LRRC53: variants seen among roughly 807,000 people sequenced by gnomAD.
LRRC53 encodes the protein leucine rich repeat containing 53.
A neutral mutation model predicts 13.6 loss-of-function variants in LRRC53; 25 were observed. The ratio of observed to expected loss-of-function variants is 1.83; its 90% CI spans 1.34 to 2.56. The LOEUF (loss-of-function observed/expected upper bound fraction) is 2.56. LRRC53 is among the 30% of genes most tolerant of loss of function. The pLI is 0.00. For synonymous variants in LRRC53, 204 were observed against 109.8 expected (o/e 1.86, Z -5.37); for missense variants, 527 against 275.8 (o/e 1.91, Z -6.45).
At chr1:74,514,442 T>C (rs758537948), upstream of LRRC53, among the ~76,000 whole-genome samples, 4 of 152,214 alleles carry the variant, frequency 2.6e-5, no homozygotes, top group South Asian at 4.1e-4. Context: ...TCCATTTTAA[T>C]AGAAATTGCT....
the LRRC53 span, among the ~76,000 whole-genome samples, chr1:74,533,107 G>C: frequency 6.6e-6 from 1 of 152,080 alleles, no homozygotes; most frequent in Non-Finnish European, 1.5e-5. Context: ...GCAAAAGAAA[G>C]TACCGTCAGA....
At chr1:74,525,173 G>A in the LRRC53 span, among the ~76,000 whole-genome samples, 1,918 of 152,176 alleles carry the variant, frequency 0.013, 43 homozygotes, top group African/African-American at 0.044. Flanking sequence ...CAGTGGAAGA[G>A]GGGAAGGAAA....
In LRRC53 at chr1:74,481,108, T is replaced by C. The variant is rs1318221410; in HGVS notation, c.89-140A>G. ...CAATAAACAATACAAAAAATGAAAATGATTTTCTGATTTCCAAATTTGAGG... is the reference window on the plus strand; with the variant it reads ...CAATAAACAATACAAAAAATGAAAACGATTTTCTGATTTCCAAATTTGAGG... On this transcript the variant is annotated intron_variant, in intron 2 of 4. Coordinates refer to ENST00000294635, the MANE Select transcript of LRRC53 (RefSeq NM_001382280.1). 8.7e-6 allele frequency: 5 copies of C among 571,852 alleles called. No homozygotes were observed. In the African/African-American group the frequency reaches 9.4e-5, roughly 11 times the overall value. 35.4% of individuals were successfully genotyped at this position (571,852 alleles called of 1,614,324 possible).
rs746146240 is a variant in LRRC53, at chr1:74,492,139, CCTT to C, written c.-26-8767_-26-8765del. Reference sequence around the variant, plus strand: ...AAGTAACAGCAGTGGGTCTCTCTCACCTTCTTCTTCTTCTGATTGCCTGGTGAA... The same window carrying C: ...AAGTAACAGCAGTGGGTCTCTCTCACCTTCTTCTTCTGATTGCCTGGTGAA... On this transcript the variant is annotated intron_variant, in intron 1 of 4. Transcript: ENST00000294635. 300 of 1,609,746 alleles carry C rather than the reference CCTT, an allele frequency of 1.9e-4. No individual in the cohort carries two copies. The highest frequency in any genetic ancestry group is 9.8e-4 in the East Asian group (44 of 44,814).
rs1279580722 is a variant in LRRC53 at position 74,489,244 on chromosome 1, T to C, written c.-26-5869A>G. ...AAGTTAGAAGAGTGTCTCTGCAACA[T>C]TGAGGTAAAAGCTTTAGCTTCTGAA... On this transcript the variant is annotated intron_variant, in intron 1 of 4. Coordinates refer to ENST00000294635, the MANE Select transcript of LRRC53 (RefSeq NM_001382280.1). The C allele has an allele frequency of 7.4e-6, 12 of 1,611,024 alleles. No individual in the cohort carries two copies. The highest frequency in any genetic ancestry group is 3.4e-5 in the Admixed American group (2 of 59,536).
intron 1 of LRRC53, among the ~76,000 whole-genome samples, chr1:74,502,699 T>G (rs147216221): frequency 1.4e-3 from 220 of 152,322 alleles, no homozygotes; most frequent in Middle Eastern, 0.01. Context: ...GAGGGAAATT[T>G]CCCTTCTCAC....
chr1:74,529,582 G>A, the LRRC53 span, among the ~76,000 whole-genome samples: 1 of 152,212 alleles, frequency 6.6e-6, no homozygotes, highest in African/African-American at 2.4e-5. Context: ...GCGTCTGAGA[G>A]TAGATGGAAG....
chr1:74,504,734 T>C (rs982296940), intron 1 of LRRC53, among the ~76,000 whole-genome samples: 1 of 152,012 alleles, frequency 6.6e-6, no homozygotes, highest in Admixed American at 6.5e-5. Flanking sequence ...CATATCCACC[T>C]GAGAGAGAGA....
chr1:74,511,026 T>A (rs889129404), intron 1 of LRRC53, among the ~76,000 whole-genome samples: 1 of 151,954 alleles, frequency 6.6e-6, no homozygotes, highest in Non-Finnish European at 1.5e-5. Context: ...TAGCTGGAAT[T>A]ACAGGCGTCT....
At chr1:74,479,177 A>G (rs909438633) in intron 3 of LRRC53, among the ~76,000 whole-genome samples, 10 of 151,950 alleles carry the variant, frequency 6.6e-5, no homozygotes, top group African/African-American at 2.4e-4. Flanking sequence ...CCCCCTCATC[A>G]CCATGGTTAC....
At chr1:74,528,795 A>G in the LRRC53 span, among the ~76,000 whole-genome samples, 7 of 152,348 alleles carry the variant, frequency 4.6e-5, no homozygotes, top group Non-Finnish European at 8.8e-5. Flanking sequence ...CTTCAACTGC[A>G]GGAACACACC....
the LRRC53 span, among the ~76,000 whole-genome samples, chr1:74,520,402 A>G: frequency 1.3e-5 from 2 of 151,956 alleles, no homozygotes; most frequent in African/African-American, 2.4e-5. Flanking sequence ...CAGCCCCTCC[A>G]GTCTCTCTGT....
At chr1:74,511,273 A>G (rs1372522054) in intron 1 of LRRC53, among the ~76,000 whole-genome samples, 1 of 150,668 alleles carries the variant, frequency 6.6e-6, no homozygotes, top group Non-Finnish European at 1.5e-5. Context: ...GCTCACCACA[A>G]CCTCTGCCTC....
chr1:74,532,624 C>G, the LRRC53 span, among the ~76,000 whole-genome samples: 2 of 151,788 alleles, frequency 1.3e-5, no homozygotes, highest in African/African-American at 4.8e-5. Flanking sequence ...ATCCCTCCCC[C>G]CTCGCCCCAC....
At chr1:74,507,057 AATT>A (rs1447169817) in intron 1 of LRRC53, among the ~76,000 whole-genome samples, 7 of 152,206 alleles carry the variant, frequency 4.6e-5, no homozygotes, top group African/African-American at 1.7e-4. Flanking sequence ...ATGTTGAACA[AATT>A]ATTATCTTAA....
chr1:74,505,717 G>A (rs1339704582), intron 1 of LRRC53, among the ~76,000 whole-genome samples: 3 of 152,060 alleles, frequency 2.0e-5, no homozygotes, highest in Non-Finnish European at 4.4e-5. Flanking sequence ...TATCTCCTTG[G>A]AACCTATGAG....
chr1:74,518,047 G>A, the LRRC53 span, among the ~76,000 whole-genome samples: 3 of 152,302 alleles, frequency 2.0e-5, no homozygotes, highest in Non-Finnish European at 2.9e-5. Flanking sequence ...CGCCAGAATA[G>A]CACTTTTAGG....
upstream of LRRC53, among the ~76,000 whole-genome samples, chr1:74,517,169 A>G (rs927707692): frequency 6.6e-6 from 1 of 152,186 alleles, no homozygotes; most frequent in African/African-American, 2.4e-5. Context: ...TCTATATGCA[A>G]CATATCTTGT....
chr1:74,519,881 G>T, the LRRC53 span, among the ~76,000 whole-genome samples: 1 of 152,090 alleles, frequency 6.6e-6, no homozygotes, highest in African/African-American at 2.4e-5. Flanking sequence ...TCCTATCTGT[G>T]GGAGCACAGA....
Sources: allele counts gnomAD v4.1 joint callset (sites outside exome capture counted in the v4.1 genomes callset), GRCh38; gene constraint gnomAD v4.1.1; transcripts MANE v1.5; gene names NCBI Gene and HGNC (gene_info 2026-07-23, HGNC 2026-07-21).